The following SEMA6B variants were observed in gnomAD, a reference collection of about 807,000 sequenced individuals.
SEMA6B encodes the protein semaphorin 6B, also known as semaphorin-6B.
In SEMA6B, 47 loss-of-function variants were observed where a neutral mutation model predicts 78.6. The observed-to-expected ratio is 0.60, with a 90% CI of 0.47 to 0.76. SEMA6B has a LOEUF of 0.76. Ranked by LOEUF, SEMA6B falls within the 30% of genes least tolerant of loss-of-function variation. SEMA6B has a pLI of 0.00. For synonymous variants in SEMA6B, 632 were observed against 592.2 expected (o/e 1.07, Z -0.98); for missense variants, 1,213 against 1,269.9 (o/e 0.96, Z 0.68).
chr19:4,559,505 G>A (rs1568260508), intron 1 of SEMA6B, 25 bp downstream of exon 1: 1 of 152,188 alleles, frequency 6.6e-6, no homozygotes, highest in Non-Finnish European at 1.5e-5. Context: ...CCATGCTGAA[G>A]GTCCCAGTTC....
Position 4,550,740 on chromosome 19 carries a change from C to T in SEMA6B, c.1121+59G>A, listed in dbSNP as rs1216072550. Reference sequence around the variant, plus strand: ...ATAACCACCCGGAAGCCCCAGCCCTCGGCCCTGGGGATCAGGACCTCATCC... The same window carrying T: ...ATAACCACCCGGAAGCCCCAGCCCTTGGCCCTGGGGATCAGGACCTCATCC... On this transcript the variant is annotated intron_variant, in intron 11 of 16. Transcript: ENST00000586582. The surrounding 1 kb of genome is among the most constrained non-coding windows in gnomAD (Gnocchi z 6.6). The T allele has an allele frequency of 1.3e-5, 21 of 1,589,084 alleles. No individual in the cohort carries two copies. Among genetic ancestry groups the T allele is most frequent in the African/African-American group, 5.4e-5 (4 of 74,410 alleles).
In SEMA6B at chr19:4,544,104, T is replaced by A; in HGVS notation, c.2164A>T (p.Thr722Ser). Residue 722 changes from threonine (T) to serine (S), a missense_variant, in exon 17 of 17, where the codon ACT becomes TCT. Coordinates refer to ENST00000586582, the MANE Select transcript of SEMA6B (RefSeq NM_032108.4). This position sits in a 1 kb window ranked among gnomAD's most constrained non-coding sequence, Gnocchi z 5.1. ...AGGGCGTGGGGGTGCGGGTGCGGAG[T>A]GGGCAGGCGCTTCTGCGGCAGCGGC... ...QTPLPQKRLP[T>S]PHPHPHALGP... is the part of the protein sequence containing the mutation. 2 of 1,264,918 alleles carry A rather than the reference T, an allele frequency of 1.6e-6. No homozygotes were observed. The highest frequency in any genetic ancestry group is 2.0e-6 in the Non-Finnish European group (2 of 1,006,382). The allele number at this position is 1,264,918 out of a possible 1,614,324, so 78.4% of individuals were successfully genotyped here.
rs921927389 is a variant in SEMA6B at position 4,552,915 on chromosome 19, G to A, written c.772-276C>T. Among the ~76,000 whole-genome samples the A allele has an allele frequency of 2.0e-5, 3 of 152,184 alleles. No individual in the cohort carries two copies. The highest frequency in any genetic ancestry group is 6.5e-5 in the Admixed American group (1 of 15,268). On this transcript the variant is annotated intron_variant, in intron 9 of 16. Transcript: ENST00000586582. The surrounding 1 kb of genome is among the most constrained non-coding windows in gnomAD (Gnocchi z 7.4). Reference sequence around the variant, plus strand: ...TTCTCACATCTCTTACACTCTTCCCGAGGGGGGCCTACTGATATCCCCCCA... The same window carrying A: ...TTCTCACATCTCTTACACTCTTCCCAAGGGGGGCCTACTGATATCCCCCCA...
rs1372153496 is a variant in SEMA6B, at chr19:4,542,980, A to C, written c.*621T>G. Reference sequence around the variant, plus strand: ...GGAAGCCCCAGCGTCGGCTCAGCCAACGCCCAGGCCGCTGGGGCCACCACG... The same window carrying C: ...GGAAGCCCCAGCGTCGGCTCAGCCACCGCCCAGGCCGCTGGGGCCACCACG... On this transcript the variant is annotated 3_prime_UTR_variant, in exon 17 of 17. Coordinates refer to ENST00000586582, the MANE Select transcript of SEMA6B (RefSeq NM_032108.4). 1 of 699,364 alleles carries C rather than the reference A, an allele frequency of 1.4e-6. No individual in the cohort carries two copies. Among genetic ancestry groups the C allele is most frequent in the East Asian group, 2.7e-5 (1 of 37,200 alleles). The allele number at this position is 699,364 out of a possible 1,614,324, so 43.3% of individuals were successfully genotyped here.
Position 4,558,210 on chromosome 19 carries a change from A to G in SEMA6B, c.122-61T>C. The stretch of plus-strand genomic sequence containing the variant: ...CTGGGGGTGAAGAGAGGGTGGCCTG[A>G]GGTCATGCCCCTTCTAGGGGTGGCT... On this transcript the variant is annotated intron_variant, in intron 2 of 16. Coordinates refer to ENST00000586582, the MANE Select transcript of SEMA6B (RefSeq NM_032108.4). The surrounding 1 kb of genome is among the most constrained non-coding windows in gnomAD (Gnocchi z 5.1). 1 of 1,361,146 alleles carries G rather than the reference A, an allele frequency of 7.3e-7. No individual in the cohort carries two copies. The highest frequency in any genetic ancestry group is 2.8e-5 in the East Asian group (1 of 35,248). 84.3% of individuals were successfully genotyped at this position (1,361,146 alleles called of 1,614,324 possible).
In SEMA6B at chr19:4,553,766, A is replaced by G. The variant is rs528042950; in HGVS notation, c.771+622T>C. ...TGGGTGGGTGTGTTGGTGGATGGGT[A>G]GATAAATGGATGGATGGGTGGATGG... On this transcript the variant is annotated intron_variant, in intron 9 of 16. Transcript: ENST00000586582. 2.9e-4 allele frequency among the ~76,000 whole-genome samples: 36 copies of G among 122,356 alleles called. 1 individual carries two copies. Among genetic ancestry groups the G allele is most frequent in the African/African-American group, 1.0e-3 (30 of 29,268 alleles). 80.3% of individuals were successfully genotyped at this position (122,356 alleles called of 152,430 possible).
chr19:4,543,644 A>G lies in SEMA6B; in HGVS notation c.2624T>C (p.Leu875Pro), dbSNP rs1462652118. ...AGTCCTGTCCGCCCCCCCATAGGGG[A>G]GGAGGTGGGCCAAGTCTGTGCCCGG... ...ARPGTDLAHL[L>P]PYGGADRTAP... Residue 875 changes from leucine to proline, a missense_variant, in exon 17 of 17, where the codon CTC becomes CCC. Transcript: ENST00000586582. The G allele has an allele frequency of 6.3e-5, 78 of 1,231,972 alleles. No individual in the cohort carries two copies. The Middle Eastern group carries it at 1.8e-3, about 29-fold the overall frequency. The allele number at this position is 1,231,972 out of a possible 1,614,324, so 76.3% of individuals were successfully genotyped here. A position where few individuals can be genotyped will look rare whatever the true frequency, so the allele number is the denominator to read the frequency against.
chr19:4,550,155 G>C lies in SEMA6B; in HGVS notation c.1239C>G (p.Gly413=). Residue 413 remains glycine, a synonymous_variant, in exon 12 of 17, where the codon GGC becomes GGG. Transcript: ENST00000586582. This position sits in a 1 kb window ranked among gnomAD's most constrained non-coding sequence, Gnocchi z 6.6. ...GGGTCCGCAGGATCCAGGGCGCATG[G>C]CCCAGCGAGGGCACCGCCTCGTCCA... ...PLMDEAVPSL[G]HAPWILRTLM... The C allele has an allele frequency of 6.2e-7, 1 of 1,613,806 alleles. No homozygotes were observed. The highest frequency in any genetic ancestry group is 8.5e-7 in the Non-Finnish European group (1 of 1,180,010).
chr19:4,549,997 G>GT (rs1317428604), intron 12 of SEMA6B, 126 bp downstream of exon 12: 4 of 833,042 alleles, frequency 4.8e-6, no homozygotes, highest in Non-Finnish European at 7.5e-6. Context: ...CTGTCTCTCT[G>GT]TGTCTCCAGC....
chr19:4,558,441 G>C lies in SEMA6B; in HGVS notation c.17C>G (p.Ala6Gly). 8.0e-7 allele frequency: 1 copy of C among 1,250,812 alleles called. No individual in the cohort carries two copies. The highest frequency in any genetic ancestry group is 1.0e-6 in the Non-Finnish European group (1 of 991,738). 77.5% of individuals were successfully genotyped at this position (1,250,812 alleles called of 1,614,324 possible). The change falls in exon 2 of 17, where the codon GCG becomes GGG. Residue 6 changes from alanine to glycine, a missense_variant. By Grantham distance (60) the Ala-to-Gly change is moderately conservative. Transcript: ENST00000586582. This position sits in a 1 kb window ranked among gnomAD's most constrained non-coding sequence, Gnocchi z 5.1. MQTPR[A>G]SPPRPALLLL... ...CAGCAGGGCCGGGCGGGGAGGGGAC[G>C]CTCGCGGGGTCTGCATGGCGAGGGC...
chr19:4,558,340 C>A lies in SEMA6B; in HGVS notation c.118G>T (p.Asp40Tyr). The A allele has an allele frequency of 7.6e-7, 1 of 1,314,646 alleles. No individual in the cohort carries two copies. Among genetic ancestry groups the A allele is most frequent in the East Asian group, 2.9e-5 (1 of 34,868 alleles). The allele number at this position is 1,314,646 out of a possible 1,614,324, so 81.4% of individuals were successfully genotyped here. The change falls in exon 2 of 17, where the codon GAC becomes TAC. Residue 40 changes from aspartate to tyrosine, a missense_variant. Physicochemically the swap from Asp to Tyr is radical, Grantham distance 160. Coordinates refer to ENST00000586582, the MANE Select transcript of SEMA6B (RefSeq NM_032108.4). The surrounding 1 kb of genome is among the most constrained non-coding windows in gnomAD (Gnocchi z 5.1). ...CCAAAGACACCCCCAGACTCACAGT[C>A]CCTGGGGGCCACGCTAAGCGGCGGC... is the stretch of plus-strand genomic sequence containing the variant. ...EPPPLSVAPR[D>Y]YLNHYPVFVG...
In SEMA6B at chr19:4,550,078, C is replaced by T; in HGVS notation, c.1271+45G>A. 6.2e-7 allele frequency: 1 copy of T among 1,601,840 alleles called. No homozygotes were observed. The highest frequency in any genetic ancestry group is 8.5e-7 in the Non-Finnish European group (1 of 1,171,780). ...CTGGATCCTCTCACCCTCCATCTAC[C>T]CCATCCTGTCTCCCCTCGCCATGCC... On this transcript the variant is annotated intron_variant, in intron 12 of 16. Transcript: ENST00000586582. This position sits in a 1 kb window ranked among gnomAD's most constrained non-coding sequence, Gnocchi z 6.6.
chr19:4,550,370 G>GT lies in SEMA6B; in HGVS notation c.1122-99_1122-98insA, dbSNP rs1568255036. ...CCATTGCTTTGCCCAACGACCCTCA[G>GT]GTTTTTTGTTTGTTTTGTTTTTGAG... On this transcript the variant is annotated intron_variant, in intron 11 of 16. Coordinates refer to ENST00000586582, the MANE Select transcript of SEMA6B (RefSeq NM_032108.4). This position sits in a 1 kb window ranked among gnomAD's most constrained non-coding sequence, Gnocchi z 6.6. 4.0e-6 allele frequency: 5 copies of GT among 1,243,990 alleles called. No homozygotes were observed. In the African/African-American group the frequency reaches 9.6e-5, roughly 24 times the overall value. 77.1% of individuals were successfully genotyped at this position (1,243,990 alleles called of 1,614,324 possible).
rs546285584 is a variant in SEMA6B, at chr19:4,555,827, G to A, written c.471+161C>T. Among the ~76,000 whole-genome samples the A allele has an allele frequency of 2.6e-5, 4 of 152,316 alleles. No individual in the cohort carries two copies. The highest frequency in any genetic ancestry group is 5.9e-5 in the Non-Finnish European group (4 of 68,020). ...CCTGTACAGGCCTCGTTTGGACAGC[G>A]CTGACTCCTCTTGAGCTCAGGGGGA... On this transcript the variant is annotated intron_variant, in intron 6 of 16. Transcript: ENST00000586582. This position sits in a 1 kb window ranked among gnomAD's most constrained non-coding sequence, Gnocchi z 6.1.
chr19:4,544,681 G>A lies in SEMA6B; in HGVS notation c.1739-152C>T. 2 of 453,304 alleles carry A rather than the reference G, an allele frequency of 4.4e-6. No individual in the cohort carries two copies. The highest frequency in any genetic ancestry group is 7.3e-6 in the Non-Finnish European group (2 of 275,650). 28.1% of individuals were successfully genotyped at this position (453,304 alleles called of 1,614,324 possible). The stretch of plus-strand genomic sequence containing the variant: ...GAAGGAGTCTTCCTTTGTGTGCCAG[G>A]CTGGAGTGCAGTGGGGCGATCTCGA... On this transcript the variant is annotated intron_variant, in intron 16 of 16. Coordinates refer to ENST00000586582, the MANE Select transcript of SEMA6B (RefSeq NM_032108.4). The surrounding 1 kb of genome is among the most constrained non-coding windows in gnomAD (Gnocchi z 5.1).
chr19:4,544,234 C>A lies in SEMA6B; in HGVS notation c.2034G>T (p.Glu678Asp). ...TCTGCATCAGGGGCGCCAGCAGGGC[C>A]TCCGGGGGAACCCCGGCGCCACCGC... Reference protein sequence around the residue: ...GGGGGAGVPPEALLAPLMQNG... With the variant: ...GGGGGAGVPPDALLAPLMQNG... Residue 678 changes from glutamate (E) to aspartate (D), a missense_variant, in exon 17 of 17, where the codon GAG (glutamate) becomes GAT (aspartate). Transcript: ENST00000586582. The surrounding 1 kb of genome is among the most constrained non-coding windows in gnomAD (Gnocchi z 5.1). 2.3e-6 allele frequency: 3 copies of A among 1,277,228 alleles called. No individual in the cohort carries two copies. In the South Asian group the frequency reaches 7.6e-5, roughly 32 times the overall value. The allele number at this position is 1,277,228 out of a possible 1,614,324, so 79.1% of individuals were successfully genotyped here. A position where few individuals can be genotyped will look rare whatever the true frequency, so the allele number is the denominator to read the frequency against.
Position 4,543,795 on chromosome 19 carries a change from G to C in SEMA6B, c.2473C>G (p.Pro825Ala). 1 of 1,220,536 alleles carries C rather than the reference G, an allele frequency of 8.2e-7. No homozygotes were observed. Among genetic ancestry groups the C allele is most frequent in the African/African-American group, 1.6e-5 (1 of 63,880 alleles). 75.6% of individuals were successfully genotyped at this position (1,220,536 alleles called of 1,614,324 possible). ...AGTGGCCTCCTCAGGCTGCCCGTCGGGGGCGGGCTCCAGGGCCGCGGGAGG... is the reference window on the plus strand; with the variant it reads ...AGTGGCCTCCTCAGGCTGCCCGTCGCGGGCGGGCTCCAGGGCCGCGGGAGG... ...DGLPRPWSPP[P>A]TGSLRRPLGP... Residue 825 changes from proline (P) to alanine (A), a missense_variant, in exon 17 of 17, where the codon CCG becomes GCG. Coordinates refer to ENST00000586582, the MANE Select transcript of SEMA6B (RefSeq NM_032108.4).
intron 14 of SEMA6B, 111 bp from the exon 15 acceptor site, chr19:4,546,580 T>TTTAA (rs10678031): frequency 0.52 from 231,665 of 443,294 alleles, 65,514 homozygotes; most frequent in East Asian, 0.83. Context: ...TTATTTTTAT[T>TTTAA]TTAATTAATT....
rs896004333 is a variant in SEMA6B at position 4,556,800 on chromosome 19, C to T, written c.369+151G>A. On this transcript the variant is annotated intron_variant, in intron 5 of 16. Transcript: ENST00000586582. ...TGGCTGTTTGGGGGTGTGGCCAGGGCTGGCAGTTGGGCGGGGCCAGGGCTG... is the reference window on the plus strand; with the variant it reads ...TGGCTGTTTGGGGGTGTGGCCAGGGTTGGCAGTTGGGCGGGGCCAGGGCTG... 3.4e-4 allele frequency: 209 copies of T among 617,094 alleles called. No homozygotes were observed. In the South Asian group the frequency reaches 3.7e-3, roughly 11 times the overall value. The allele number at this position is 617,094 out of a possible 1,614,324, so 38.2% of individuals were successfully genotyped here. A position where few individuals can be genotyped will look rare whatever the true frequency, so the allele number is the denominator to read the frequency against.
Sources: gnomAD v4.1 joint callset for allele counts (sites outside exome capture counted in the v4.1 genomes callset) on GRCh38, gnomAD v4.1.1 for gene constraint, Gnocchi (gnomAD v3.1) non-coding constraint, MANE v1.5 for transcripts, NCBI Gene and HGNC (gene_info 2026-07-23, HGNC 2026-07-21) for gene names.